The following PADI6 variants were observed in gnomAD, a reference collection of about 807,000 sequenced individuals.
PADI6 encodes inactive protein-arginine deiminase type-6.
In PADI6, 66 loss-of-function variants were observed where a neutral mutation model predicts 78.2. That is an observed-to-expected ratio of 0.84 (90% CI 0.69 to 1.04). The LOEUF (loss-of-function observed/expected upper bound fraction) is 1.04, where lower values mean the gene tolerates loss of function less well. PADI6 is among the 50% of genes least tolerant of loss of function. The pLI, the probability that PADI6 is intolerant of heterozygous loss-of-function variation, is 0.00. For missense variants in PADI6, 854 were observed against 866.1 expected (o/e 0.99, Z 0.18); for synonymous variants, 397 against 346.9 (o/e 1.14, Z -1.60).
At chr1:17,377,411 T>G (rs1055076578) in intron 3 of PADI6, among the ~76,000 whole-genome samples, 2 of 152,152 alleles carry the variant, frequency 1.3e-5, no homozygotes, top group African/African-American at 4.8e-5. Context: ...TCCCGCTGCT[T>G]CCAGTCAGTG....
chr1:17,393,015 G>A (rs568548850), intron 9 of PADI6, among the ~76,000 whole-genome samples: 7 of 152,194 alleles, frequency 4.6e-5, no homozygotes, highest in South Asian at 4.2e-4. Flanking sequence ...GCATGGTGGC[G>A]CGCGCCTGTA....
At chr1:17,391,813 T>TA (rs896621718) in intron 8 of PADI6, among the ~76,000 whole-genome samples, 6 of 152,040 alleles carry the variant, frequency 3.9e-5, no homozygotes, top group African/African-American at 1.4e-4. Flanking sequence ...AAAGGAAGGG[T>TA]ACTTGCAGAA....
chr1:17,387,314 G>A (rs1404613516), intron 6 of PADI6, among the ~76,000 whole-genome samples: 2 of 152,102 alleles, frequency 1.3e-5, no homozygotes, highest in Non-Finnish European at 2.9e-5. Context: ...GCATGGTGGT[G>A]CACACCTATA....
chr1:17,395,211 T>TTG (rs2075234482), intron 12 of PADI6, 104 bp downstream of exon 12: 11 of 1,386,252 alleles, frequency 7.9e-6, no homozygotes, highest in African/African-American at 3.2e-5. Context: ...TTTTTTTTTT[T>TTG]TTTGTTTGTT....
At position 17,398,924 on chromosome 1, in the gene PADI6, C is replaced by CT. The variant is rs1303750449; in HGVS notation, c.1851+78dup. Reference sequence around the variant, plus strand: ...CTGGCTGCCACCTCACTGTGCTGGACTGCAGATATGGTGGACAGCAGATAA... The same window carrying CT: ...CTGGCTGCCACCTCACTGTGCTGGACTTGCAGATATGGTGGACAGCAGATAA... On this transcript the variant is annotated intron_variant, in intron 15 of 15. Coordinates refer to ENST00000619609, the MANE Select transcript of PADI6 (RefSeq NM_207421.4). 18 of 1,466,698 alleles carry CT rather than the reference C, an allele frequency of 1.2e-5. No homozygotes were observed. In the Admixed American group the frequency reaches 1.6e-4, roughly 13 times the overall value. The allele number at this position is 1,466,698 out of a possible 1,614,324, so 90.9% of individuals were successfully genotyped here.
At chr1:17,378,614 T>G (rs1011467738) in intron 3 of PADI6, among the ~76,000 whole-genome samples, 1 of 152,102 alleles carries the variant, frequency 6.6e-6, no homozygotes, top group African/African-American at 2.4e-5. Flanking sequence ...TTGTTTGTTT[T>G]TGTTTTTTGA....
Position 17,401,482 on chromosome 1 carries a change from C to T in PADI6, c.*44C>T. 1 of 1,498,318 alleles carries T rather than the reference C, an allele frequency of 6.7e-7. No individual in the cohort carries two copies. Among genetic ancestry groups the T allele is most frequent in the Non-Finnish European group, 9.2e-7 (1 of 1,084,716 alleles). 92.8% of individuals were successfully genotyped at this position (1,498,318 alleles called of 1,614,324 possible). ...CCAGCTCTGCCCCAGCGTGGATGGCCCACTGTCACCATGCAACAGCATGAT... is the reference window on the plus strand; with the variant it reads ...CCAGCTCTGCCCCAGCGTGGATGGCTCACTGTCACCATGCAACAGCATGAT... On this transcript the variant is annotated 3_prime_UTR_variant, in exon 16 of 16. Transcript: ENST00000619609.
intron 13 of PADI6, 58 bp from the exon 14 acceptor site, chr1:17,397,013 C>T (rs1300820572): frequency 1.4e-5 from 21 of 1,549,636 alleles, no homozygotes; most frequent in Non-Finnish European, 1.9e-5. Context: ...GTGTGCCCAG[C>T]TCTGGGCAGT....
At chr1:17,378,777 G>T (rs1361441693) in intron 3 of PADI6, among the ~76,000 whole-genome samples, 1 of 151,906 alleles carries the variant, frequency 6.6e-6, no homozygotes, top group Non-Finnish European at 1.5e-5. Flanking sequence ...GCTAATTTTT[G>T]TATTTTTCAT....
intron 3 of PADI6, among the ~76,000 whole-genome samples, chr1:17,376,007 T>C (rs2075012565): frequency 1.3e-5 from 2 of 152,050 alleles, no homozygotes; most frequent in African/African-American, 4.8e-5. Context: ...AGATGAGTCT[T>C]ACTGTCACTC....
chr1:17,383,531 G>A (rs971382401), intron 6 of PADI6, among the ~76,000 whole-genome samples: 16 of 152,344 alleles, frequency 1.1e-4, no homozygotes, highest in Admixed American at 3.9e-4. Flanking sequence ...GGATCATAGC[G>A]AACTACCGGT....
chr1:17,398,459 A>C (rs1557610522), intron 14 of PADI6, among the ~76,000 whole-genome samples: 1 of 152,144 alleles, frequency 6.6e-6, no homozygotes, highest in Non-Finnish European at 1.5e-5. Flanking sequence ...GGGATCCTGG[A>C]CTAAAGACTA....
intron 8 of PADI6, among the ~76,000 whole-genome samples, chr1:17,390,978 AC>A (rs1429334430): frequency 2.1e-4 from 32 of 152,158 alleles, no homozygotes; most frequent in Non-Finnish European, 8.8e-5. Flanking sequence ...ACTGTTCTAG[AC>A]CTTGTCAGGC....
In PADI6 at chr1:17,372,267, G is replaced by T. The variant is rs1216595435; in HGVS notation, c.22G>T (p.Ala8Ser). The T allele has an allele frequency of 2.5e-6, 4 of 1,613,890 alleles. No individual in the cohort carries two copies. The highest frequency in any genetic ancestry group is 2.2e-5 in the East Asian group (1 of 44,868). MVSVEGR[A>S]MSFQSIIHLS... ...GAGGATGGTCAGCGTGGAGGGCCGA[G>T]CCATGTCCTTCCAGAGTATCATCCA... Residue 8 changes from alanine to serine, a missense_variant, in exon 1 of 16, where the codon GCC becomes TCC. By Grantham distance (99) the Ala-to-Ser change is moderately conservative. Coordinates refer to ENST00000619609, the MANE Select transcript of PADI6 (RefSeq NM_207421.4).
intron 8 of PADI6, among the ~76,000 whole-genome samples, chr1:17,390,002 A>C (rs865943951): frequency 1.3e-5 from 2 of 152,254 alleles, no homozygotes; most frequent in South Asian, 2.1e-4. Flanking sequence ...GATGGGAAAC[A>C]CTAATAGGAA....
At chr1:17,397,855 CAT>C (rs966664241) in intron 14 of PADI6, among the ~76,000 whole-genome samples, 48 of 152,264 alleles carry the variant, frequency 3.2e-4, no homozygotes, top group Middle Eastern at 3.4e-3. Context: ...CGGAAAATGA[CAT>C]AGCTCCGCAG....
Position 17,385,483 on chromosome 1 carries a change from C to T in PADI6, c.680-2898C>T, listed in dbSNP as rs368537081. Among the ~76,000 whole-genome samples the T allele has an allele frequency of 4.6e-5, 7 of 151,920 alleles. 1 individual carries two copies. In the South Asian group the frequency reaches 8.3e-4, roughly 18 times the overall value. ...GGATCTGGGACTGAGGTTGGGGACTCGCTGGGGTGGGAGCATAGGTGAGCG... is the reference window on the plus strand; with the variant it reads ...GGATCTGGGACTGAGGTTGGGGACTTGCTGGGGTGGGAGCATAGGTGAGCG... On this transcript the variant is annotated intron_variant, in intron 6 of 15. Transcript: ENST00000619609.
intron 15 of PADI6, among the ~76,000 whole-genome samples, chr1:17,399,591 G>A (rs555810948): frequency 8.6e-4 from 129 of 150,844 alleles, no homozygotes; most frequent in African/African-American, 2.8e-3. Context: ...CTGAAACTCC[G>A]TCTCTAATAT....
Position 17,390,890 on chromosome 1 carries a change from C to T in PADI6, c.963-1224C>T, listed in dbSNP as rs189372591. Among the ~76,000 whole-genome samples, 9 of 152,366 alleles carry T rather than the reference C, an allele frequency of 5.9e-5. No individual in the cohort carries two copies. In the East Asian group the frequency reaches 1.7e-3, roughly 29 times the overall value. ...CAAGTCTTCCATACAGTGTGATATT[C>T]AGGCATGGTTTGACCCCATATAGCT... On this transcript the variant is annotated intron_variant, in intron 8 of 15. Coordinates refer to ENST00000619609, the MANE Select transcript of PADI6 (RefSeq NM_207421.4).
Sources: gnomAD v4.1 joint callset for allele counts (sites outside exome capture counted in the v4.1 genomes callset) on GRCh38, gnomAD v4.1.1 for gene constraint, MANE v1.5 for transcripts, NCBI Gene and HGNC (gene_info 2026-07-23, HGNC 2026-07-21) for gene names.